Variants in ADAMTS3 observed in about 807,000 individuals in gnomAD.
The protein encoded by ADAMTS3 is A disintegrin and metalloproteinase with thrombospondin motifs 3.
Under a neutral mutation model 129.0 loss-of-function variants are expected in ADAMTS3, and 73 were observed. That is an observed-to-expected ratio of 0.57 (90% CI 0.47 to 0.69). ADAMTS3 has a LOEUF of 0.69. Ranked by LOEUF, ADAMTS3 falls within the 30% of genes least tolerant of loss-of-function variation. The pLI, the probability that ADAMTS3 is intolerant of heterozygous loss-of-function variation, is 0.00. For synonymous variants in ADAMTS3, 477 were observed against 510.8 expected (o/e 0.93, Z 0.89); for missense variants, 1,457 against 1,514.5 (o/e 0.96, Z 0.63).
intron 3 of ADAMTS3, among the ~76,000 whole-genome samples, chr4:72,445,393 C>A (rs1199955653): frequency 6.6e-6 from 1 of 151,672 alleles, no homozygotes; most frequent in African/African-American, 2.4e-5. Flanking sequence ...ACATACTTTA[C>A]CTCAGCCACC....
chr4:72,445,531 A>C (rs1272872464), intron 3 of ADAMTS3, among the ~76,000 whole-genome samples: 1 of 151,746 alleles, frequency 6.6e-6, no homozygotes, highest in East Asian at 2.0e-4. Flanking sequence ...GGAACTTTTA[A>C]TGCCCTTATT....
intron 4 of ADAMTS3, among the ~76,000 whole-genome samples, chr4:72,403,847 T>C (rs1721986673): frequency 6.6e-6 from 1 of 151,968 alleles, no homozygotes; most frequent in Non-Finnish European, 1.5e-5. Context: ...ATATTAGAAC[T>C]TGCACAATGG....
chr4:72,418,302 CAT>C (rs1722361251), intron 3 of ADAMTS3, among the ~76,000 whole-genome samples: 1 of 152,078 alleles, frequency 6.6e-6, no homozygotes, highest in African/African-American at 2.4e-5. Flanking sequence ...TACATATTCA[CAT>C]AGTGTGGCAG....
chr4:72,559,668 G>C (rs1560567705), intron 2 of ADAMTS3, among the ~76,000 whole-genome samples: 3 of 151,690 alleles, frequency 2.0e-5, no homozygotes, highest in African/African-American at 7.3e-5. Flanking sequence ...ACAAGTCAAA[G>C]ACACACTAAT....
intron 3 of ADAMTS3, among the ~76,000 whole-genome samples, chr4:72,544,974 A>G (rs998839625): frequency 1.3e-5 from 2 of 152,128 alleles, no homozygotes; most frequent in Non-Finnish European, 2.9e-5. Flanking sequence ...GATGTATATA[A>G]AAAGCAAACT....
chr4:72,365,932 T>C (rs1720858512), intron 4 of ADAMTS3, among the ~76,000 whole-genome samples: 1 of 152,166 alleles, frequency 6.6e-6, no homozygotes, highest in African/African-American at 2.4e-5. Flanking sequence ...GTAAATTCTC[T>C]CTAAAAAGAA....
chr4:72,349,520 T>C (rs746119616), intron 4 of ADAMTS3, among the ~76,000 whole-genome samples: 2 of 152,072 alleles, frequency 1.3e-5, no homozygotes, highest in African/African-American at 4.8e-5. Context: ...ACAGTGTCCA[T>C]AAAGTCTGGA....
rs917449753 is a variant in ADAMTS3 at position 72,404,241 on chromosome 4, G to A, written c.661+10574C>T. ...ATCTTTACAACAAAGAACAAAGCTG[G>A]AAGCATCATACTATGGGACTTCAAA... On this transcript the variant is annotated intron_variant, in intron 4 of 21. Transcript: ENST00000286657. Among the ~76,000 whole-genome samples the A allele has an allele frequency of 2.6e-5, 4 of 151,984 alleles. No individual in the cohort carries two copies. The East Asian group carries it at 5.8e-4, about 22-fold the overall frequency.
intron 3 of ADAMTS3, among the ~76,000 whole-genome samples, chr4:72,492,704 A>G (rs2110016340): frequency 6.6e-6 from 1 of 151,948 alleles, no homozygotes. Flanking sequence ...TTCTGTATAC[A>G]TCAGATAGGA....
intron 4 of ADAMTS3, among the ~76,000 whole-genome samples, chr4:72,407,877 GTTGT>G: frequency 6.6e-6 from 1 of 151,920 alleles, no homozygotes; most frequent in Non-Finnish European, 1.5e-5. Flanking sequence ...TATATAGTTG[GTTGT>G]TTATGACAAT....
rs139810380 is a variant in ADAMTS3, at chr4:72,367,508, T to C, written c.662-27815A>G. Among the ~76,000 whole-genome samples the C allele has an allele frequency of 5.4e-3, 829 of 152,236 alleles. 14 individuals are homozygous for C. Among genetic ancestry groups the C allele is most frequent in the Non-Finnish European group, 3.2e-3 (216 of 68,012 alleles). On this transcript the variant is annotated intron_variant, in intron 4 of 21. Transcript: ENST00000286657. The stretch of plus-strand genomic sequence containing the variant: ...ACATACATATATAAAAAGTACTTAT[T>C]ATTTCCCAGTGCTCAGAGGGAAGAA...
At position 72,317,624 on chromosome 4, in the gene ADAMTS3, T is replaced by C. The variant is rs531236737; in HGVS notation, c.1485+948A>G. Among the ~76,000 whole-genome samples the C allele has an allele frequency of 1.4e-4, 22 of 152,298 alleles. No homozygotes were observed. The South Asian group carries it at 2.1e-3, about 14-fold the overall frequency. ...TGTGCTAAGCACTTTAATTATATTATCAAATTTAATCCTCACACCAATCTT... is the reference window on the plus strand; with the variant it reads ...TGTGCTAAGCACTTTAATTATATTACCAAATTTAATCCTCACACCAATCTT... On this transcript the variant is annotated intron_variant, in intron 10 of 21. Transcript: ENST00000286657.
At chr4:72,342,139 C>G (rs960410455) in intron 4 of ADAMTS3, among the ~76,000 whole-genome samples, 1 of 152,180 alleles carries the variant, frequency 6.6e-6, no homozygotes, top group Non-Finnish European at 1.5e-5. Flanking sequence ...TATTTCTGGG[C>G]ATAGGCCAAA....
intron 3 of ADAMTS3, among the ~76,000 whole-genome samples, chr4:72,530,230 T>C (rs1388476849): frequency 1.3e-5 from 1 of 77,688 alleles, no homozygotes; most frequent in Non-Finnish European, 2.2e-5. Flanking sequence ...ATATATATTA[T>C]ATATATTAAA....
chr4:72,294,955 C>T (rs1426889761), intron 19 of ADAMTS3, among the ~76,000 whole-genome samples: 1 of 151,992 alleles, frequency 6.6e-6, no homozygotes, highest in East Asian at 1.9e-4. Flanking sequence ...ACACAGAGAA[C>T]TCTCTGTTCT....
At chr4:72,367,696 A>G (rs936874156) in intron 4 of ADAMTS3, among the ~76,000 whole-genome samples, 1 of 152,096 alleles carries the variant, frequency 6.6e-6, no homozygotes, top group African/African-American at 2.4e-5. Flanking sequence ...TAAAAACACA[A>G]AAGATTAGCC....
At chr4:72,507,336 C>T (rs1194981471) in intron 3 of ADAMTS3, among the ~76,000 whole-genome samples, 1 of 152,042 alleles carries the variant, frequency 6.6e-6, no homozygotes, top group Non-Finnish European at 1.5e-5. Context: ...CTGTTAGTTA[C>T]TGTGCCTTGG....
chr4:72,409,313 A>G (rs1055892686), intron 4 of ADAMTS3, among the ~76,000 whole-genome samples: 5 of 152,182 alleles, frequency 3.3e-5, no homozygotes, highest in Admixed American at 6.5e-5. Flanking sequence ...CTCATGAATC[A>G]GTAATTGATA....
In ADAMTS3 at chr4:72,283,535, G is replaced by T. The variant is rs1004898399; in HGVS notation, c.3219C>A (p.Ile1073=). ...LEAAETHDDV[I]SNPSDLPRSL... is the part of the protein sequence containing the mutation. Reference sequence around the variant, plus strand: ...ATCTAGGGAGGTCACTAGGGTTAGAGATGACATCATCATGAGTTTCAGCAG... The same window carrying T: ...ATCTAGGGAGGTCACTAGGGTTAGATATGACATCATCATGAGTTTCAGCAG... Residue 1073 remains isoleucine, a synonymous_variant, in exon 22 of 22, where the codon ATC becomes ATA. Coordinates refer to ENST00000286657, the MANE Select transcript of ADAMTS3 (RefSeq NM_014243.3). 6.2e-7 allele frequency: 1 copy of T among 1,614,108 alleles called. No homozygotes were observed. Among genetic ancestry groups the T allele is most frequent in the African/African-American group, 1.3e-5 (1 of 75,032 alleles).
Sources: gnomAD v4.1 joint callset for allele counts (sites outside exome capture counted in the v4.1 genomes callset) on GRCh38, gnomAD v4.1.1 for gene constraint, MANE v1.5 for transcripts, NCBI Gene and HGNC (gene_info 2026-07-23, HGNC 2026-07-21) for gene names.